Variants in SLCO1B3 observed in about 807,000 individuals in gnomAD.
The protein encoded by SLCO1B3 is liver-specific organic anion transporter 2.
In SLCO1B3, 72 loss-of-function variants were observed where a neutral mutation model predicts 71.8. The observed-to-expected ratio is 1.00, with a 90% CI of 0.83 to 1.22. The LOEUF is 1.22. SLCO1B3 is among the 50% of genes most tolerant of loss of function. SLCO1B3 has a pLI of 0.00. For synonymous variants in SLCO1B3, 298 were observed against 278.4 expected (o/e 1.07, Z -0.70); for missense variants, 911 against 819.7 (o/e 1.11, Z -1.36).
At chr12:20,839,609 G>T (rs543194314) in intron 3 of SLCO1B3, among the ~76,000 whole-genome samples, 5 of 152,028 alleles carry the variant, frequency 3.3e-5, no homozygotes, top group Admixed American at 3.3e-4. Flanking sequence ...CTTTGATTTT[G>T]TGTAGTTTGA....
intron 3 of SLCO1B3, among the ~76,000 whole-genome samples, chr12:20,848,966 C>G (rs12424784): frequency 5.9e-5 from 9 of 151,942 alleles, no homozygotes; most frequent in Admixed American, 2.0e-4. Context: ...CAAGTGAACC[C>G]TAATGTAATA....
At chr12:20,845,012 A>G (rs1054399957) in intron 3 of SLCO1B3, 6 of 219,394 alleles carry the variant, frequency 2.7e-5, no homozygotes, top group East Asian at 1.4e-4. Flanking sequence ...TCCATGTGAC[A>G]GAGCAAGACT....
chr12:20,837,210 C>T lies in SLCO1B3; in HGVS notation c.85-17818C>T, dbSNP rs370937468. Reference sequence around the variant, plus strand: ...TTAGTATTCACTCTCTTTTTTTTTCCCTTAGTTAACCTGGTTAGAAGCCTA... The same window carrying T: ...TTAGTATTCACTCTCTTTTTTTTTCTCTTAGTTAACCTGGTTAGAAGCCTA... On this transcript the variant is annotated intron_variant, in intron 3 of 15. Coordinates refer to ENST00000381545, the MANE Select transcript of SLCO1B3 (RefSeq NM_019844.4). Among the ~76,000 whole-genome samples the T allele has an allele frequency of 9.3e-4, 139 of 150,020 alleles. 2 individuals are homozygous for T. In the South Asian group the frequency reaches 0.025, roughly 27 times the overall value.
intron 8 of SLCO1B3, among the ~76,000 whole-genome samples, chr12:20,868,129 A>G (rs1263590254): frequency 3.3e-5 from 5 of 152,232 alleles, no homozygotes; most frequent in African/African-American, 7.2e-5. Context: ...CATGCAAAAT[A>G]TATGTTGACT....
chr12:20,879,595 G>A lies in SLCO1B3; in HGVS notation c.1295G>A (p.Ser432Asn). 6.2e-7 allele frequency: 1 copy of A among 1,612,266 alleles called. No homozygotes were observed. Among genetic ancestry groups the A allele is most frequent in the South Asian group, 1.1e-5 (1 of 90,944 alleles). The change falls in exon 11 of 16, where the codon AGC becomes AAC. Residue 432 changes from serine (S) to asparagine (N), a missense_variant. Coordinates refer to ENST00000381545, the MANE Select transcript of SLCO1B3 (RefSeq NM_019844.4). ...QLLYFPLICE[S>N]KSVAGLTLTY... ...CTATATTTCCCTCTAATCTGCGAAA[G>A]CAAATCAGTTGCCGGCCTAACCTTG...
intron 13 of SLCO1B3, among the ~76,000 whole-genome samples, chr12:20,884,798 G>T (rs1865761495): frequency 6.6e-6 from 1 of 150,826 alleles, no homozygotes; most frequent in Non-Finnish European, 1.5e-5. Context: ...CCAACAATGT[G>T]TTTTAACTTT....
chr12:20,842,548 C>T (rs1333843946), intron 3 of SLCO1B3, among the ~76,000 whole-genome samples: 1 of 151,982 alleles, frequency 6.6e-6, no homozygotes, highest in African/African-American at 2.4e-5. Context: ...TCAACACTTC[C>T]TCATGAATTA....
Position 20,916,236 on chromosome 12 carries a change from G to T in SLCO1B3, c.2098G>T (p.Ala700Ser), listed in dbSNP as rs1866494622. 2 of 1,612,142 alleles carry T rather than the reference G, an allele frequency of 1.2e-6. No homozygotes were observed. Among genetic ancestry groups the T allele is most frequent in the Non-Finnish European group, 8.5e-7 (1 of 1,178,906 alleles). The change falls in exon 16 of 16, where the codon GCT becomes TCT. Residue 700 changes from alanine to serine, a missense_variant. Physicochemically the swap from Ala to Ser is moderately conservative, Grantham distance 99. Transcript: ENST00000381545. ...TAATTTGGACATGCAAGACAATGCTGCTGCCAACTAACATTGCATTGATTC... is the reference window on the plus strand; with the variant it reads ...TAATTTGGACATGCAAGACAATGCTTCTGCCAACTAACATTGCATTGATTC... ...TCNLDMQDNA[A>S]AN is the part of the protein sequence containing the mutation.
At chr12:20,913,800 G>A (rs1866436175) in intron 15 of SLCO1B3, among the ~76,000 whole-genome samples, 1 of 152,178 alleles carries the variant, frequency 6.6e-6, no homozygotes, top group Non-Finnish European at 1.5e-5. Flanking sequence ...TACCCAGGCT[G>A]TAGAGCAGTG....
Position 20,879,635 on chromosome 12 carries a change from T to G in SLCO1B3, c.1331+4T>G. On this transcript the variant is annotated splice_donor_region_variant and intron_variant, in intron 11 of 15. Transcript: ENST00000381545. ...GCCTAACCTTGACCTATGATGGGTT[T>G]GTATATATTGCTATATAAATTGTGT... The G allele has an allele frequency of 6.3e-7, 1 of 1,575,752 alleles. No homozygotes were observed. The highest frequency in any genetic ancestry group is 8.7e-7 in the Non-Finnish European group (1 of 1,154,798).
chr12:20,883,271 C>G (rs914832194), intron 12 of SLCO1B3, 147 bp from the exon 13 acceptor site: 1 of 446,824 alleles, frequency 2.2e-6, no homozygotes, highest in African/African-American at 2.1e-5. Flanking sequence ...AGCTATTTTG[C>G]CTTCACTATT....
intron 3 of SLCO1B3, among the ~76,000 whole-genome samples, chr12:20,851,950 G>A (rs1233302477): frequency 6.6e-6 from 1 of 152,122 alleles, no homozygotes; most frequent in East Asian, 1.9e-4. Flanking sequence ...CACCCTTGTT[G>A]AAAATCACTT....
chr12:20,833,669 TAC>T (rs60839451), intron 3 of SLCO1B3, among the ~76,000 whole-genome samples: 67,161 of 147,584 alleles, frequency 0.46, 17,259 homozygotes, highest in South Asian at 0.64. Flanking sequence ...TGTGCATATA[TAC>T]ATACACTTTA....
chr12:20,904,620 T>C (rs1054612133), intron 15 of SLCO1B3, among the ~76,000 whole-genome samples: 6 of 152,018 alleles, frequency 3.9e-5, no homozygotes, highest in Non-Finnish European at 7.4e-5. Context: ...CCTCTTCTTA[T>C]AGCTCCACTA....
At chr12:20,834,936 C>T (rs1864644121) in intron 3 of SLCO1B3, among the ~76,000 whole-genome samples, 1 of 152,186 alleles carries the variant, frequency 6.6e-6, no homozygotes, top group African/African-American at 2.4e-5. Context: ...GAAATTTCTC[C>T]ATGAGGGCTT....
intron 3 of SLCO1B3, among the ~76,000 whole-genome samples, chr12:20,819,847 C>T (rs1041395337): frequency 3.3e-5 from 5 of 151,914 alleles, no homozygotes; most frequent in African/African-American, 1.2e-4. Context: ...GTATCTTATA[C>T]TTGTGGGTTA....
chr12:20,883,815 T>C (rs1865741759), intron 13 of SLCO1B3, among the ~76,000 whole-genome samples: 1 of 146,564 alleles, frequency 6.8e-6, no homozygotes. Context: ...GCTCTATACT[T>C]TCTTCTCTTT....
At chr12:20,894,631 C>A (rs963465276) in intron 13 of SLCO1B3, among the ~76,000 whole-genome samples, 1 of 152,102 alleles carries the variant, frequency 6.6e-6, no homozygotes, top group Non-Finnish European at 1.5e-5. Context: ...GTGAAAAATA[C>A]ATGTCAGGCT....
At chr12:20,871,902 A>G (rs1264569663) in intron 8 of SLCO1B3, among the ~76,000 whole-genome samples, 1 of 151,974 alleles carries the variant, frequency 6.6e-6, no homozygotes, top group Non-Finnish European at 1.5e-5. Context: ...ATGTTAACTC[A>G]AGATCAAGGG....
Sources: gnomAD v4.1 joint callset for allele counts (sites outside exome capture counted in the v4.1 genomes callset) on GRCh38, gnomAD v4.1.1 for gene constraint, MANE v1.5 for transcripts, NCBI Gene and HGNC (gene_info 2026-07-23, HGNC 2026-07-21) for gene names.